AHCYL2: variants seen among roughly 807,000 people sequenced by gnomAD.
The protein encoded by AHCYL2 is S-adenosylhomocysteine hydrolase-like protein 2.
A neutral mutation model predicts 81.4 loss-of-function variants in AHCYL2; 28 were observed. The ratio of observed to expected loss-of-function variants is 0.34; its 90% CI spans 0.25 to 0.47. The LOEUF (loss-of-function observed/expected upper bound fraction) is 0.47, where lower values mean the gene tolerates loss of function less well. Among genes scored for constraint, AHCYL2 ranks in the 20% least tolerant of loss-of-function variants. The pLI, the probability that AHCYL2 is intolerant of heterozygous loss-of-function variation, is 1.00. For missense variants in AHCYL2, 551 were observed against 785.1 expected (o/e 0.70, Z 3.56); for synonymous variants, 272 against 290.2 (o/e 0.94, Z 0.64).
At chr7:129,396,577 A>G (rs1364868538) in intron 4 of AHCYL2, among the ~76,000 whole-genome samples, 1 of 151,822 alleles carries the variant, frequency 6.6e-6, no homozygotes, top group Non-Finnish European at 1.5e-5. Context: ...ATGCGCCACC[A>G]TGCCTGGGTA....
intron 1 of AHCYL2, among the ~76,000 whole-genome samples, chr7:129,364,681 T>C (rs1366927719): frequency 6.6e-6 from 1 of 152,240 alleles, no homozygotes; most frequent in Non-Finnish European, 1.5e-5. Flanking sequence ...CACTGAAATA[T>C]TCTAACGGTT....
intron 2 of AHCYL2, among the ~76,000 whole-genome samples, chr7:129,382,634 G>A (rs747373836): frequency 5.3e-5 from 8 of 151,712 alleles, no homozygotes; most frequent in African/African-American, 4.8e-5. Context: ...GGCAGGGCGC[G>A]TTGGCTCACG....
chr7:129,413,896 A>G (rs940632469), intron 12 of AHCYL2, among the ~76,000 whole-genome samples: 2 of 152,198 alleles, frequency 1.3e-5, no homozygotes, highest in African/African-American at 4.8e-5. Context: ...AATGATTGTC[A>G]TCTTCTATTC....
rs1797377703 is a variant in AHCYL2 at position 129,426,643 on chromosome 7, A to G, written c.1829+80A>G. On this transcript the variant is annotated intron_variant, in intron 16 of 16. Transcript: ENST00000325006. This position sits in a 1 kb window ranked among gnomAD's most constrained non-coding sequence, Gnocchi z 4.3. ...ACTGGAATTGGTCTTTGCATCCCCA[A>G]CCACATATGCTTACATGAACTCAGA... 11 of 1,546,948 alleles carry G rather than the reference A, an allele frequency of 7.1e-6. No homozygotes were observed. Among genetic ancestry groups the G allele is most frequent in the South Asian group, 2.5e-5 (2 of 78,964 alleles).
intron 1 of AHCYL2, among the ~76,000 whole-genome samples, chr7:129,315,054 TG>T (rs1208331309): frequency 6.6e-5 from 10 of 152,254 alleles, no homozygotes; most frequent in African/African-American, 2.4e-4. Flanking sequence ...ACCACATAGT[TG>T]GTGCTCTGTA....
At chr7:129,274,485 C>T (rs73470399) in intron 1 of AHCYL2, among the ~76,000 whole-genome samples, 2,041 of 152,294 alleles carry the variant, frequency 0.013, 43 homozygotes, top group African/African-American at 0.046. Flanking sequence ...TCTGTGGTAG[C>T]TTGTATCCAA....
At chr7:129,253,688 T>A (rs979217601) in intron 1 of AHCYL2, among the ~76,000 whole-genome samples, 7 of 152,196 alleles carry the variant, frequency 4.6e-5, no homozygotes, top group African/African-American at 1.4e-4. Flanking sequence ...CACAGCTCAC[T>A]ACAGCTTCGA....
rs116608374 is a variant in AHCYL2, at chr7:129,388,845, C to T, written c.476-211C>T. 2.5e-3 allele frequency: 1,240 copies of T among 486,522 alleles called. 9 individuals are homozygous for T. Among genetic ancestry groups the T allele is most frequent in the African/African-American group, 0.022 (1,132 of 50,596 alleles). 30.1% of individuals were successfully genotyped at this position (486,522 alleles called of 1,614,324 possible). On this transcript the variant is annotated intron_variant, in intron 2 of 16. Coordinates refer to ENST00000325006, the MANE Select transcript of AHCYL2 (RefSeq NM_015328.4). The stretch of plus-strand genomic sequence containing the variant: ...TGTTCTGAAGATAAAGTTAGCCCTA[C>T]ATTTCAAGTTAAGGCTATCCAGGAA...
At chr7:129,255,752 G>T (rs962109559) in intron 1 of AHCYL2, among the ~76,000 whole-genome samples, 2 of 152,158 alleles carry the variant, frequency 1.3e-5, no homozygotes, top group African/African-American at 2.4e-5. Context: ...GGAGGCCGAG[G>T]TTGGGAGTTC....
chr7:129,352,614 A>T (rs552559077), intron 1 of AHCYL2, among the ~76,000 whole-genome samples: 335 of 151,920 alleles, frequency 2.2e-3, no homozygotes, highest in Non-Finnish European at 2.7e-3. Flanking sequence ...CTTTTTCCTC[A>T]CCTCCTACGT....
chr7:129,273,619 C>T (rs531098660), intron 1 of AHCYL2, among the ~76,000 whole-genome samples: 83 of 152,240 alleles, frequency 5.5e-4, no homozygotes, highest in African/African-American at 1.8e-3. Flanking sequence ...TGAGCCACTG[C>T]GCCTGGCCGA....
At chr7:129,410,514 G>A in intron 11 of AHCYL2, 1 of 891,750 alleles carries the variant, frequency 1.1e-6, no homozygotes, top group Non-Finnish European at 1.7e-6. Context: ...AAAAGGTACA[G>A]TCATAATCTC....
chr7:129,225,529 C>G (rs13229264), intron 1 of AHCYL2, 90 bp downstream of exon 1: 36,977 of 1,400,402 alleles, frequency 0.026, 600 homozygotes, highest in Admixed American at 0.063. Context: ...CCTCCACGCC[C>G]TCCTTTCTGA....
chr7:129,258,339 A>G (rs1042162842), intron 1 of AHCYL2, among the ~76,000 whole-genome samples: 7 of 151,830 alleles, frequency 4.6e-5, no homozygotes, highest in African/African-American at 1.7e-4. Context: ...CAAAATACTA[A>G]CCTTATGCCT....
rs148283331 is a variant in AHCYL2 at position 129,389,528 on chromosome 7, C to T, written c.620-106C>T. 4.2e-4 allele frequency: 391 copies of T among 929,476 alleles called. 1 individual carries two copies. The highest frequency in any genetic ancestry group is 1.1e-3 in the Admixed American group (40 of 36,222). 57.6% of individuals were successfully genotyped at this position (929,476 alleles called of 1,614,324 possible). A position where few individuals can be genotyped will look rare whatever the true frequency, so the allele number is the denominator to read the frequency against. On this transcript the variant is annotated intron_variant, in intron 3 of 16. Coordinates refer to ENST00000325006, the MANE Select transcript of AHCYL2 (RefSeq NM_015328.4). ...GATCCCTGGAGAAACCTAATCTAAC[C>T]TGATCAGGGGAAGGATCTTAACTTA...
At chr7:129,290,666 C>A (rs1208493033) in intron 1 of AHCYL2, among the ~76,000 whole-genome samples, 4 of 151,830 alleles carry the variant, frequency 2.6e-5, no homozygotes, top group African/African-American at 9.7e-5. Flanking sequence ...CGTGGTGGCT[C>A]ACGCCTGTAA....
chr7:129,350,099 G>T (rs1793504442), intron 1 of AHCYL2, among the ~76,000 whole-genome samples: 1 of 152,122 alleles, frequency 6.6e-6, no homozygotes, highest in African/African-American at 2.4e-5. Context: ...TAGAAGATGG[G>T]ATTCTTGACT....
intron 1 of AHCYL2, among the ~76,000 whole-genome samples, chr7:129,327,516 G>C (rs1173276381): frequency 6.6e-6 from 1 of 150,810 alleles, no homozygotes; most frequent in East Asian, 2.0e-4. Context: ...ACCCAGGCTG[G>C]AGTGCAGTGG....
At chr7:129,341,415 C>T (rs1292105528) in intron 1 of AHCYL2, among the ~76,000 whole-genome samples, 2 of 152,140 alleles carry the variant, frequency 1.3e-5, no homozygotes, top group Admixed American at 6.5e-5. Flanking sequence ...GACACTTTCA[C>T]AAGGGTAGAG....
Sources: allele counts gnomAD v4.1 joint callset (sites outside exome capture counted in the v4.1 genomes callset), GRCh38; gene constraint gnomAD v4.1.1; non-coding constraint Gnocchi (gnomAD v3.1); transcripts MANE v1.5; gene names NCBI Gene and HGNC (gene_info 2026-07-23, HGNC 2026-07-21).